The following DOP1A variants were observed in gnomAD, a reference collection of about 807,000 sequenced individuals.
DOP1A encodes the protein DOP1 leucine zipper like protein A, also known as protein DOP1A.
A neutral mutation model predicts 267.6 loss-of-function variants in DOP1A; 90 were observed. The observed-to-expected ratio is 0.34, with a 90% CI of 0.28 to 0.40. The LOEUF (loss-of-function observed/expected upper bound fraction) is 0.40, where lower values mean the gene tolerates loss of function less well. Among genes scored for constraint, DOP1A ranks in the 10% least tolerant of loss-of-function variants. The pLI is 1.00. For missense variants in DOP1A, 2,437 were observed against 2,900.4 expected (o/e 0.84, Z 3.67); for synonymous variants, 932 against 999.1 (o/e 0.93, Z 1.27).
chr6:83,130,567 C>G (rs1252047763), intron 17 of DOP1A, among the ~76,000 whole-genome samples, 170 bp downstream of exon 17: 2 of 152,094 alleles, frequency 1.3e-5, no homozygotes, highest in Non-Finnish European at 2.9e-5. Flanking sequence ...ACATACTGCT[C>G]TCCCCATCTT....
At chr6:83,088,462 C>T (rs1411224733) in intron 1 of DOP1A, among the ~76,000 whole-genome samples, 1 of 127,970 alleles carries the variant, frequency 7.8e-6, no homozygotes, top group Admixed American at 8.5e-5. Flanking sequence ...CTCACTCTGT[C>T]CCCAGGCTGG....
chr6:83,135,495 T>C (rs535185074), intron 19 of DOP1A, 124 bp from the exon 20 acceptor site: 1 of 1,067,234 alleles, frequency 9.4e-7, no homozygotes, highest in African/African-American at 1.6e-5. Context: ...TCAAAATTTA[T>C]CCTGAAGTAT....
Position 83,137,798 on chromosome 6 carries a change from T to G in DOP1A, c.3756T>G (p.Ser1252=). The change falls in exon 21 of 39, where the codon TCT becomes TCG. Residue 1252 remains serine, a synonymous_variant. Transcript: ENST00000349129. ...SGTTHTLHDS[S]VASIETKSRQ... ...CCACACACACTCTTCATGACTCTTCTGTTGCTTCCATAGAAACCAAATCTA... is the reference window on the plus strand; with the variant it reads ...CCACACACACTCTTCATGACTCTTCGGTTGCTTCCATAGAAACCAAATCTA... The G allele has an allele frequency of 6.2e-7, 1 of 1,613,904 alleles. No homozygotes were observed.
intron 1 of DOP1A, among the ~76,000 whole-genome samples, chr6:83,084,292 G>C (rs897011479): frequency 6.6e-6 from 1 of 152,092 alleles, no homozygotes; most frequent in African/African-American, 2.4e-5. Flanking sequence ...ATGCTGTACA[G>C]GTTTGCAGCC....
At chr6:83,125,393 T>TA (rs1562327558) in intron 14 of DOP1A, 107 bp from the exon 15 acceptor site, 1 of 1,111,660 alleles carries the variant, frequency 9.0e-7, no homozygotes, top group Non-Finnish European at 1.3e-6. Flanking sequence ...ATGATGCATA[T>TA]AAAACATTAT....
chr6:83,074,506 C>A (rs568539487), intron 1 of DOP1A, among the ~76,000 whole-genome samples: 1 of 152,078 alleles, frequency 6.6e-6, no homozygotes, highest in African/African-American at 2.4e-5. Context: ...TACACTCGTG[C>A]AAAAATGATA....
intron 2 of DOP1A, 43 bp from the exon 3 acceptor site, chr6:83,096,882 T>C: frequency 1.4e-6 from 2 of 1,436,780 alleles, no homozygotes; most frequent in South Asian, 1.3e-5. Context: ...GAACCCGTTT[T>C]AATACTTTGT....
At chr6:83,106,806 T>TAAA (rs67887369) in intron 4 of DOP1A, among the ~76,000 whole-genome samples, 1 of 142,620 alleles carries the variant, frequency 7.0e-6, no homozygotes, top group Non-Finnish European at 1.5e-5. Flanking sequence ...AGAGTCCATC[T>TAAA]AAAAAAAAAA....
intron 4 of DOP1A, among the ~76,000 whole-genome samples, chr6:83,103,053 C>T (rs2128142967): frequency 6.6e-6 from 1 of 152,120 alleles, no homozygotes; most frequent in African/African-American, 2.4e-5. Flanking sequence ...CATTTTTATC[C>T]CTAGTATTCT....
intron 36 of DOP1A, among the ~76,000 whole-genome samples, chr6:83,159,215 G>C (rs1783602501): frequency 6.6e-6 from 1 of 152,072 alleles, no homozygotes; most frequent in Non-Finnish European, 1.5e-5. Context: ...CAGAAACTGA[G>C]TAAAAAAGTT....
At chr6:83,100,618 A>AT in intron 3 of DOP1A, 87 bp from the exon 4 acceptor site, 2 of 982,910 alleles carry the variant, frequency 2.0e-6, no homozygotes, top group Non-Finnish European at 2.8e-6. Flanking sequence ...TACAATGATC[A>AT]TTTTTTATAA....
chr6:83,148,725 T>C, intron 26 of DOP1A, 34 bp from the exon 27 acceptor site: 2 of 1,379,370 alleles, frequency 1.4e-6, no homozygotes, highest in Non-Finnish European at 2.0e-6. Context: ...CCATAGTTTA[T>C]TGTGGCTTTT....
intron 4 of DOP1A, among the ~76,000 whole-genome samples, chr6:83,105,494 A>G (rs533895267): frequency 6.7e-6 from 1 of 149,866 alleles, no homozygotes; most frequent in South Asian, 2.1e-4. Flanking sequence ...CCTCCCAAGT[A>G]GCTAGGATTA....
At chr6:83,135,915 A>G (rs1162113492) in intron 20 of DOP1A, 37 bp downstream of exon 20, 2 of 1,593,222 alleles carry the variant, frequency 1.3e-6, no homozygotes, top group East Asian at 2.3e-5. Context: ...TTTATTTAGA[A>G]TTATTAAAAT....
intron 1 of DOP1A, among the ~76,000 whole-genome samples, chr6:83,088,094 G>A (rs1292753547): frequency 1.3e-5 from 2 of 152,012 alleles, no homozygotes; most frequent in Non-Finnish European, 2.9e-5. Context: ...GGATGGTCTC[G>A]ATATCCTGAC....
intron 1 of DOP1A, among the ~76,000 whole-genome samples, chr6:83,086,907 A>G (rs1206697614): frequency 3.9e-5 from 6 of 151,976 alleles, no homozygotes; most frequent in African/African-American, 1.5e-4. Flanking sequence ...ATGGGTTTTA[A>G]TTTTAGTTTT....
At position 83,140,332 on chromosome 6, in the gene DOP1A, G is replaced by C. The variant is rs1779409945; in HGVS notation, c.5344G>C (p.Ala1782Pro). ...VTLLWSILHQ[A>P]DSSEKMTIAA... ...ACTGCTTTGGAGCATACTGCATCAA[G>C]CTGATTCTTCAGAAAAGATGACTAT... The change falls in exon 23 of 39, where the codon GCT becomes CCT. Residue 1782 changes from alanine (A) to proline (P), a missense_variant. Physicochemically the swap from Ala to Pro is conservative, Grantham distance 27. Around this residue, in one of 9 missense-constraint regions of DOP1A, gnomAD observed 307 missense variants for 308.6 expected, o/e 0.99. Coordinates refer to ENST00000349129, the MANE Select transcript of DOP1A (RefSeq NM_015018.4). The C allele has an allele frequency of 6.2e-7, 1 of 1,613,390 alleles. No individual in the cohort carries two copies. Among genetic ancestry groups the C allele is most frequent in the Non-Finnish European group, 8.5e-7 (1 of 1,179,880 alleles).
intron 4 of DOP1A, among the ~76,000 whole-genome samples, chr6:83,106,408 A>C (rs1202281451): frequency 6.6e-6 from 1 of 152,224 alleles, no homozygotes; most frequent in Non-Finnish European, 1.5e-5. Context: ...TACATTGTAA[A>C]TAACAAGGAG....
At chr6:83,158,651 C>A (rs1256356017) in intron 36 of DOP1A, 29 bp downstream of exon 36, 10 of 1,517,768 alleles carry the variant, frequency 6.6e-6, no homozygotes, top group African/African-American at 2.8e-5. Context: ...ATATTGTTGT[C>A]CATTTTTTAA....
Sources: gnomAD v4.1 joint callset for allele counts (sites outside exome capture counted in the v4.1 genomes callset) on GRCh38, gnomAD v4.1.1 for gene constraint, gnomAD v4.1.1 regional missense constraint, MANE v1.5 for transcripts, NCBI Gene and HGNC (gene_info 2026-07-23, HGNC 2026-07-21) for gene names.